Variants in ASXL2 observed in about 807,000 individuals in gnomAD.
The protein encoded by ASXL2 is putative Polycomb group protein ASXL2.
In ASXL2, 23 loss-of-function variants were observed where a neutral mutation model predicts 122.0. That is an observed-to-expected ratio of 0.19 (90% confidence interval 0.14 to 0.27). The LOEUF is 0.27. ASXL2 is among the 10% of genes least tolerant of loss of function. The pLI is 1.00. For synonymous variants in ASXL2, 650 were observed against 637.0 expected (o/e 1.02, Z -0.31); for missense variants, 1,518 against 1,713.8 (o/e 0.89, Z 2.02).
At chr2:25,864,361 T>C (rs2089874861) in intron 1 of ASXL2, among the ~76,000 whole-genome samples, 1 of 152,076 alleles carries the variant, frequency 6.6e-6, no homozygotes, top group Admixed American at 6.5e-5. Flanking sequence ...TCAGATGGAT[T>C]GGAGAGAGCT....
At chr2:25,842,338 T>A (rs1283945636) in intron 2 of ASXL2, among the ~76,000 whole-genome samples, 1 of 152,186 alleles carries the variant, frequency 6.6e-6, no homozygotes, top group East Asian at 1.9e-4. Context: ...ATTACCACAA[T>A]ATAGTTTAAC....
rs1428651032 is a variant in ASXL2 at position 25,786,108 on chromosome 2, A to G, written c.403+13277T>C. On this transcript the variant is annotated intron_variant, in intron 5 of 12. Coordinates refer to ENST00000435504, the MANE Select transcript of ASXL2 (RefSeq NM_018263.6). Reference sequence around the variant, plus strand: ...ATCAATATAATTCACTACAGGAATTATGTACATGAAGGAAAAGCAACTGAT... The same window carrying G: ...ATCAATATAATTCACTACAGGAATTGTGTACATGAAGGAAAAGCAACTGAT... 2.0e-5 allele frequency among the ~76,000 whole-genome samples: 3 copies of G among 152,236 alleles called. No homozygotes were observed. In the East Asian group the frequency reaches 5.8e-4, roughly 29 times the overall value.
At chr2:25,812,377 T>C (rs187924749) in intron 3 of ASXL2, among the ~76,000 whole-genome samples, 27 of 152,142 alleles carry the variant, frequency 1.8e-4, no homozygotes, top group South Asian at 1.2e-3. Context: ...GGAGAATCTC[T>C]TGAAACTGGG....
Position 25,768,795 on chromosome 2 carries a change from T to A in ASXL2, c.578A>T (p.His193Leu). 1.9e-6 allele frequency: 3 copies of A among 1,613,908 alleles called. No homozygotes were observed. Among genetic ancestry groups the A allele is most frequent in the Non-Finnish European group, 1.7e-6 (2 of 1,179,820 alleles). ...TGCTTTGACAGTCTTTAGTGAGAGA[T>A]GCTGGTTGGAGGAGATGGATATGCT... The part of the protein sequence containing the change: ...RPSISISSNQ[H>L]LSLKTVKAAS... Residue 193 changes from histidine to leucine, a missense_variant, in exon 7 of 13, where the codon CAT becomes CTT. This residue lies in a region of ASXL2 where 198 missense variants were observed against 209.0 expected (regional missense o/e 0.95). Transcript: ENST00000435504.
At chr2:25,850,349 C>G (rs1489993151) in intron 1 of ASXL2, among the ~76,000 whole-genome samples, 1 of 152,178 alleles carries the variant, frequency 6.6e-6, no homozygotes, top group Non-Finnish European at 1.5e-5. Flanking sequence ...CTTGAAGTAT[C>G]TTTTAATCTA....
At chr2:25,797,442 C>A (rs1486244946) in intron 5 of ASXL2, among the ~76,000 whole-genome samples, 2 of 151,852 alleles carry the variant, frequency 1.3e-5, no homozygotes, top group East Asian at 3.8e-4. Context: ...GAGACTATGT[C>A]TCAAAACAAA....
At chr2:25,845,086 T>C (rs926287503) in intron 2 of ASXL2, among the ~76,000 whole-genome samples, 6 of 152,226 alleles carry the variant, frequency 3.9e-5, no homozygotes, top group African/African-American at 1.4e-4. Context: ...TTTATCCTTT[T>C]TAGCCAGCAT....
In ASXL2 at chr2:25,753,599, C is replaced by A; in HGVS notation, c.1077G>T (p.Glu359Asp). ...TPEMQVRIRQ[E>D]IEKEKKVEPW... ...GCTCCACTTTTTTCTCCTTCTCAATCTCTTGTCGAATTCTCACCTGCATCT... is the reference window on the plus strand; with the variant it reads ...GCTCCACTTTTTTCTCCTTCTCAATATCTTGTCGAATTCTCACCTGCATCT... Residue 359 changes from glutamate (E) to aspartate (D), a missense_variant, in exon 11 of 13, where the codon GAG becomes GAT. By Grantham distance (45) the Glu-to-Asp change is conservative. Around this residue, in one of 8 missense-constraint regions of ASXL2, gnomAD observed 92 missense variants for 156.6 expected, o/e 0.59. Transcript: ENST00000435504. The A allele has an allele frequency of 3.1e-6, 5 of 1,613,780 alleles. No individual in the cohort carries two copies. The highest frequency in any genetic ancestry group is 4.2e-6 in the Non-Finnish European group (5 of 1,179,848).
chr2:25,799,820 AT>A (rs1349881658), intron 4 of ASXL2, among the ~76,000 whole-genome samples: 2 of 152,120 alleles, frequency 1.3e-5, no homozygotes, highest in African/African-American at 4.8e-5. Context: ...CAGGTAAATG[AT>A]TAAATACTCT....
At chr2:25,788,666 T>C (rs1044043539) in intron 5 of ASXL2, among the ~76,000 whole-genome samples, 1 of 152,220 alleles carries the variant, frequency 6.6e-6, no homozygotes, top group African/African-American at 2.4e-5. Context: ...CATGTGGTTA[T>C]AAGTTGCCTT....
intron 3 of ASXL2, among the ~76,000 whole-genome samples, chr2:25,811,232 AAC>A (rs1421895633): frequency 6.6e-6 from 1 of 152,052 alleles, no homozygotes; most frequent in East Asian, 1.9e-4. Flanking sequence ...TAGCCTGGGC[AAC>A]AGAGTGAGAC....
At chr2:25,807,687 C>G (rs1006561325) in intron 3 of ASXL2, among the ~76,000 whole-genome samples, 2 of 151,850 alleles carry the variant, frequency 1.3e-5, no homozygotes, top group African/African-American at 4.8e-5. Context: ...TAGTATGTTT[C>G]CGAGAGAAAA....
chr2:25,857,095 G>GC (rs2089789596), intron 1 of ASXL2: 2 of 114,540 alleles, frequency 1.7e-5, no homozygotes, highest in South Asian at 3.8e-4. Context: ...GGGGGCGGGG[G>GC]GGGGGAGATG....
chr2:25,866,345 G>A (rs892081939), intron 1 of ASXL2, among the ~76,000 whole-genome samples: 9 of 151,960 alleles, frequency 5.9e-5, no homozygotes, highest in Admixed American at 2.6e-4. Context: ...TGGCCAGGAT[G>A]GTCTCCATCT....
chr2:25,802,472 C>T (rs2089015498), intron 4 of ASXL2, among the ~76,000 whole-genome samples: 1 of 152,142 alleles, frequency 6.6e-6, no homozygotes. Context: ...AATAGTGTTA[C>T]TAGTAGAATC....
chr2:25,791,403 C>T (rs2088831354), intron 5 of ASXL2, among the ~76,000 whole-genome samples: 1 of 151,472 alleles, frequency 6.6e-6, no homozygotes, highest in Non-Finnish European at 1.5e-5. Flanking sequence ...AGGAGAATAG[C>T]TTGAACCCAC....
At chr2:25,852,491 T>C (rs1328233665) in intron 1 of ASXL2, among the ~76,000 whole-genome samples, 2 of 152,198 alleles carry the variant, frequency 1.3e-5, no homozygotes, top group Admixed American at 6.5e-5. Flanking sequence ...TGCTACATTT[T>C]AAATGTCCAA....
intron 5 of ASXL2, among the ~76,000 whole-genome samples, chr2:25,776,334 TATAA>T (rs567810782): frequency 5.4e-5 from 8 of 149,464 alleles, no homozygotes; most frequent in Non-Finnish European, 1.1e-4. Context: ...TTTCAATATG[TATAA>T]ATACTTTATT....
intron 3 of ASXL2, among the ~76,000 whole-genome samples, chr2:25,812,942 A>T (rs528317028): frequency 1.3e-5 from 2 of 152,360 alleles, no homozygotes; most frequent in Admixed American, 6.5e-5. Context: ...TGAAGAAACT[A>T]TAAGTTTTCA....
Sources: allele counts gnomAD v4.1 joint callset (sites outside exome capture counted in the v4.1 genomes callset), GRCh38; gene constraint gnomAD v4.1.1; regional missense constraint gnomAD v4.1.1; transcripts MANE v1.5; gene names NCBI Gene and HGNC (gene_info 2026-07-23, HGNC 2026-07-21).